The following AIG1 variants were observed in gnomAD, a reference collection of about 807,000 sequenced individuals.
The protein encoded by AIG1 is androgen-induced gene 1 protein.
In AIG1, 23 loss-of-function variants were observed where a neutral mutation model predicts 31.4. The observed-to-expected ratio is 0.73, with a 90% CI of 0.53 to 1.04. The LOEUF (loss-of-function observed/expected upper bound fraction) is 1.04. Ranked by LOEUF, AIG1 falls within the 50% of genes least tolerant of loss-of-function variation. The pLI is 0.00. For missense variants in AIG1, 274 were observed against 295.0 expected (o/e 0.93, Z 0.52); for synonymous variants, 100 against 110.5 (o/e 0.90, Z 0.60).
At chr6:143,194,718 T>C (rs903304098) in intron 3 of AIG1, among the ~76,000 whole-genome samples, 9 of 152,228 alleles carry the variant, frequency 5.9e-5, no homozygotes, top group African/African-American at 2.2e-4. Context: ...CTGGAGAACC[T>C]GAACGTGTGC....
rs139288550 is a variant in AIG1, at chr6:143,096,312, T to C, written c.141+35246T>C. ...TTAATGAGTACTTAAGAATTATTTGTTAATTAGCACCTGAAAGTACTGATC... is the reference window on the plus strand; with the variant it reads ...TTAATGAGTACTTAAGAATTATTTGCTAATTAGCACCTGAAAGTACTGATC... On this transcript the variant is annotated intron_variant, in intron 1 of 5. Transcript: ENST00000357847. Among the ~76,000 whole-genome samples, 392 of 152,368 alleles carry C rather than the reference T, an allele frequency of 2.6e-3. 8 individuals are homozygous for C. Among genetic ancestry groups the C allele is most frequent in the Non-Finnish European group, 1.9e-4 (13 of 68,032 alleles).
intron 3 of AIG1, among the ~76,000 whole-genome samples, chr6:143,205,878 T>C (rs1328518132): frequency 6.6e-6 from 1 of 152,206 alleles, no homozygotes; most frequent in Non-Finnish European, 1.5e-5. Context: ...CCGTGAGAAT[T>C]TATGGATAGC....
At chr6:143,265,752 C>T (rs1423315631) in intron 3 of AIG1, among the ~76,000 whole-genome samples, 2 of 152,188 alleles carry the variant, frequency 1.3e-5, no homozygotes, top group African/African-American at 2.4e-5. Flanking sequence ...CTCATCCTTC[C>T]TGTGAACTTA....
At chr6:143,307,994 A>C (rs1272836261) in intron 4 of AIG1, among the ~76,000 whole-genome samples, 2 of 152,230 alleles carry the variant, frequency 1.3e-5, no homozygotes, top group Non-Finnish European at 2.9e-5. Context: ...ATCCATGGGC[A>C]TAGGACCCTC....
chr6:143,275,758 T>A (rs1796847167), intron 3 of AIG1, among the ~76,000 whole-genome samples: 1 of 152,210 alleles, frequency 6.6e-6, no homozygotes, highest in African/African-American at 2.4e-5. Flanking sequence ...CCATTGTTGG[T>A]CTGCAAGTCT....
intron 1 of AIG1, among the ~76,000 whole-genome samples, chr6:143,135,368 T>C (rs1444264653): frequency 1.3e-5 from 2 of 152,084 alleles, no homozygotes; most frequent in African/African-American, 4.8e-5. Flanking sequence ...TGAATAGGAA[T>C]ATATGAAAAA....
chr6:143,082,335 G>A (rs568961836), intron 1 of AIG1, among the ~76,000 whole-genome samples: 2 of 152,228 alleles, frequency 1.3e-5, no homozygotes, highest in Admixed American at 1.3e-4. Flanking sequence ...TTGAGGTCGG[G>A]ATCAGTCAAG....
rs897521754 is a variant in AIG1 at position 143,334,830 on chromosome 6, A to G, written c.679+1385A>G. On this transcript the variant is annotated intron_variant, in intron 5 of 5. Coordinates refer to ENST00000357847, the MANE Select transcript of AIG1 (RefSeq NM_016108.4). This position sits in a 1 kb window ranked among gnomAD's most constrained non-coding sequence, Gnocchi z 5.1. ...TTACACTTGACTTGATTGATTTGAC[A>G]GTCATTTGGCCACAGTTCTACTACT... Among the ~76,000 whole-genome samples, 1 of 152,220 alleles carries G rather than the reference A, an allele frequency of 6.6e-6. No homozygotes were observed. Among genetic ancestry groups the G allele is most frequent in the Non-Finnish European group, 1.5e-5 (1 of 68,024 alleles).
upstream of AIG1, chr6:143,060,871 G>T: frequency 8.1e-7 from 1 of 1,236,028 alleles, no homozygotes. Flanking sequence ...CGCGCCCGGC[G>T]CCTCCCTCAC....
chr6:143,294,863 C>T (rs145958858), intron 4 of AIG1, among the ~76,000 whole-genome samples: 1,551 of 152,248 alleles, frequency 0.01, 21 homozygotes, highest in African/African-American at 0.034. Flanking sequence ...TTTCAACTCC[C>T]CCCAAACCTC....
chr6:143,060,110 T>C (rs1304364525), upstream of AIG1, among the ~76,000 whole-genome samples: 1 of 152,264 alleles, frequency 6.6e-6, no homozygotes, highest in African/African-American at 2.4e-5. Context: ...CCTTTCTTTA[T>C]AGCTTTTTAT....
intron 3 of AIG1, among the ~76,000 whole-genome samples, chr6:143,178,340 T>C (rs1788381363): frequency 6.6e-6 from 1 of 152,122 alleles, no homozygotes; most frequent in African/African-American, 2.4e-5. Flanking sequence ...GTGGCTCTGC[T>C]CTCAACATGA....
intron 3 of AIG1, among the ~76,000 whole-genome samples, chr6:143,254,877 C>T (rs555271518): frequency 3.3e-5 from 5 of 152,136 alleles, no homozygotes; most frequent in Non-Finnish European, 7.4e-5. Flanking sequence ...AATAATTAGC[C>T]AGGCATGGTG....
At chr6:143,197,755 C>T (rs1273000790) in intron 3 of AIG1, among the ~76,000 whole-genome samples, 1 of 152,152 alleles carries the variant, frequency 6.6e-6, no homozygotes, top group Non-Finnish European at 1.5e-5. Context: ...CACTGTAGGT[C>T]AGGAACATCT....
chr6:143,109,358 C>T (rs1781077142), intron 1 of AIG1, among the ~76,000 whole-genome samples: 1 of 152,080 alleles, frequency 6.6e-6, no homozygotes, highest in Non-Finnish European at 1.5e-5. Context: ...AACATTGGTA[C>T]ACAGGGATAT....
At chr6:143,120,970 T>C (rs1782190601) in intron 1 of AIG1, among the ~76,000 whole-genome samples, 2 of 152,376 alleles carry the variant, frequency 1.3e-5, no homozygotes, top group South Asian at 2.1e-4. Context: ...AACAATAGCA[T>C]GAGCAATCTG....
At chr6:143,133,258 G>T (rs1271514236) in intron 1 of AIG1, among the ~76,000 whole-genome samples, 2 of 152,010 alleles carry the variant, frequency 1.3e-5, no homozygotes, top group Non-Finnish European at 2.9e-5. Flanking sequence ...TATTGTTTGG[G>T]TGGATCTATG....
At chr6:143,171,860 G>A (rs769926754) in intron 3 of AIG1, among the ~76,000 whole-genome samples, 1 of 151,572 alleles carries the variant, frequency 6.6e-6, no homozygotes, top group Non-Finnish European at 1.5e-5. Context: ...TTGATTTTTC[G>A]ATTATAGCCA....
rs141898805 is a variant in AIG1 at position 143,216,697 on chromosome 6, A to G, written c.399+51514A>G. ...GATTTCTCCTTCCATGCAAACTCCA[A>G]CTGATGGTTAGTACATAGCTGGAAC... On this transcript the variant is annotated intron_variant, in intron 3 of 5. Transcript: ENST00000357847. Among the ~76,000 whole-genome samples, 1,429 of 152,324 alleles carry G rather than the reference A, an allele frequency of 9.4e-3. 23 individuals are homozygous for G. Among genetic ancestry groups the G allele is most frequent in the African/African-American group, 0.032 (1,339 of 41,564 alleles).
Sources: allele counts gnomAD v4.1 joint callset (sites outside exome capture counted in the v4.1 genomes callset), GRCh38; gene constraint gnomAD v4.1.1; non-coding constraint Gnocchi (gnomAD v3.1); transcripts MANE v1.5; gene names NCBI Gene and HGNC (gene_info 2026-07-23, HGNC 2026-07-21).